ARHGAP15: variants seen among roughly 807,000 people sequenced by gnomAD.
ARHGAP15 encodes Rho GTPase activating protein 15, also known as rho GTPase-activating protein 15.
In ARHGAP15, 51 loss-of-function variants were observed where a neutral mutation model predicts 63.7. The ratio of observed to expected loss-of-function variants is 0.80; its 90% CI spans 0.64 to 1.01. ARHGAP15 has a LOEUF of 1.01. ARHGAP15 is among the 50% of genes least tolerant of loss of function. The pLI, the probability that ARHGAP15 is intolerant of heterozygous loss-of-function variation, is 0.00. For missense variants in ARHGAP15, 560 were observed against 564.6 expected (o/e 0.99, Z 0.08); for synonymous variants, 191 against 193.8 (o/e 0.99, Z 0.12).
At position 143,602,485 on chromosome 2, in the gene ARHGAP15, T is replaced by G. The variant is rs529630916; in HGVS notation, c.1004-21648T>G. On this transcript the variant is annotated intron_variant, in intron 11 of 13. Transcript: ENST00000295095. ...GGGAACAGATTTTTGTTGTTGTTGT[T>G]TTTGTTTGTTTGCTTGTTTTCAGGG... Among the ~76,000 whole-genome samples, 7 of 152,210 alleles carry G rather than the reference T, an allele frequency of 4.6e-5. No individual in the cohort carries two copies. The East Asian group carries it at 1.4e-3, about 29-fold the overall frequency.
At chr2:143,148,936 C>T (rs964979611) in intron 1 of ARHGAP15, among the ~76,000 whole-genome samples, 2 of 151,988 alleles carry the variant, frequency 1.3e-5, no homozygotes, top group African/African-American at 4.8e-5. Context: ...GTGGAGACAA[C>T]AAACAATTGC....
intron 2 of ARHGAP15, among the ~76,000 whole-genome samples, chr2:143,171,002 CA>C (rs1359693779): frequency 2.0e-5 from 3 of 151,956 alleles, no homozygotes; most frequent in African/African-American, 7.2e-5. Context: ...TGGCTAGTAA[CA>C]TCTAATAATA....
At chr2:143,276,321 A>G (rs1337400934) in intron 6 of ARHGAP15, among the ~76,000 whole-genome samples, 4 of 152,200 alleles carry the variant, frequency 2.6e-5, no homozygotes, top group African/African-American at 9.7e-5. Flanking sequence ...TACCAAATGT[A>G]TAGCTTGGTC....
chr2:143,382,127 TCCC>T (rs1687086034), intron 6 of ARHGAP15, among the ~76,000 whole-genome samples: 1 of 128,722 alleles, frequency 7.8e-6, no homozygotes, highest in African/African-American at 3.8e-5. Flanking sequence ...CCCTCCCTCC[TCCC>T]TTCCTTTCTT....
chr2:143,590,733 C>T (rs1697287837), intron 11 of ARHGAP15, among the ~76,000 whole-genome samples: 2 of 151,870 alleles, frequency 1.3e-5, no homozygotes, highest in African/African-American at 2.4e-5. Flanking sequence ...CAGGGTGTGT[C>T]TTTTATTTTG....
chr2:143,387,233 GA>G (rs897575455), intron 6 of ARHGAP15, among the ~76,000 whole-genome samples: 84 of 152,272 alleles, frequency 5.5e-4, no homozygotes, highest in African/African-American at 1.9e-3. Context: ...TGTAATGGTG[GA>G]AGTTCCTTTT....
At chr2:143,175,780 T>G (rs966152678) in intron 2 of ARHGAP15, among the ~76,000 whole-genome samples, 1 of 152,106 alleles carries the variant, frequency 6.6e-6, no homozygotes, top group Non-Finnish European at 1.5e-5. Flanking sequence ...CACCAATATC[T>G]CTAAGGCTAT....
At chr2:143,132,609 C>G (rs1398327606) in intron 1 of ARHGAP15, among the ~76,000 whole-genome samples, 1 of 152,228 alleles carries the variant, frequency 6.6e-6, no homozygotes, top group Non-Finnish European at 1.5e-5. Flanking sequence ...GCATGCGTGA[C>G]CATGCCTAGC....
intron 3 of ARHGAP15, among the ~76,000 whole-genome samples, chr2:143,215,438 A>G (rs770339557): frequency 6.6e-6 from 1 of 152,110 alleles, no homozygotes; most frequent in African/African-American, 2.4e-5. Flanking sequence ...GATTAAATAT[A>G]CTTAAGACTT....
intron 11 of ARHGAP15, among the ~76,000 whole-genome samples, chr2:143,588,648 C>A (rs189744873): frequency 6.6e-6 from 1 of 152,278 alleles, no homozygotes; most frequent in Non-Finnish European, 1.5e-5. Flanking sequence ...CATGTCCCTG[C>A]AAAGAACGTG....
At chr2:143,305,935 G>T (rs1027056240) in intron 6 of ARHGAP15, among the ~76,000 whole-genome samples, 13 of 152,066 alleles carry the variant, frequency 8.5e-5, no homozygotes, top group African/African-American at 3.1e-4. Flanking sequence ...TATTCTTTAA[G>T]ATATTCGCCA....
intron 9 of ARHGAP15, among the ~76,000 whole-genome samples, chr2:143,490,906 G>C (rs73005365): frequency 0.094 from 14,371 of 152,138 alleles, 843 homozygotes; most frequent in African/African-American, 0.17. Flanking sequence ...GGAATTACAG[G>C]CATGAGCAAC....
chr2:143,372,140 G>T (rs1686586696), intron 6 of ARHGAP15, among the ~76,000 whole-genome samples: 1 of 151,602 alleles, frequency 6.6e-6, no homozygotes, highest in African/African-American at 2.4e-5. Flanking sequence ...AGGATTTCGA[G>T]ACCAATCTGG....
At chr2:143,346,009 T>A (rs1024343591) in intron 6 of ARHGAP15, among the ~76,000 whole-genome samples, 1 of 152,090 alleles carries the variant, frequency 6.6e-6, no homozygotes, top group Admixed American at 6.6e-5. Context: ...GCATATTTTT[T>A]TGAGTCATGA....
chr2:143,137,127 G>A (rs1184802823), intron 1 of ARHGAP15, among the ~76,000 whole-genome samples: 2 of 151,930 alleles, frequency 1.3e-5, no homozygotes, highest in African/African-American at 2.4e-5. Flanking sequence ...GATTTGCAAG[G>A]ACCTCGTTAT....
intron 6 of ARHGAP15, among the ~76,000 whole-genome samples, chr2:143,260,451 C>T (rs1680663033): frequency 6.6e-6 from 1 of 151,974 alleles, no homozygotes; most frequent in African/African-American, 2.4e-5. Context: ...GTTAAAATTG[C>T]CCCAGGAGGA....
intron 10 of ARHGAP15, among the ~76,000 whole-genome samples, chr2:143,536,818 G>C (rs1435912220): frequency 2.0e-5 from 3 of 151,736 alleles, no homozygotes; most frequent in Non-Finnish European, 4.4e-5. Context: ...ATTGTGAATA[G>C]TGCCGCAATA....
At chr2:143,216,286 C>A (rs1321413292) in intron 3 of ARHGAP15, 98 bp from the exon 4 acceptor site, 2 of 899,934 alleles carry the variant, frequency 2.2e-6, no homozygotes, top group African/African-American at 1.7e-5. Context: ...TGACTGAAAA[C>A]TTCCGTCACT....
intron 6 of ARHGAP15, among the ~76,000 whole-genome samples, chr2:143,396,011 A>G (rs1687740521): frequency 6.6e-6 from 1 of 152,114 alleles, no homozygotes; most frequent in Non-Finnish European, 1.5e-5. Flanking sequence ...CAAAAATCCC[A>G]GGAAACACAA....
Sources: allele counts gnomAD v4.1 joint callset (sites outside exome capture counted in the v4.1 genomes callset), GRCh38; gene constraint gnomAD v4.1.1; transcripts MANE v1.5; gene names NCBI Gene and HGNC (gene_info 2026-07-23, HGNC 2026-07-21).